The following EFCAB5 variants were observed in gnomAD, a reference collection of about 807,000 sequenced individuals.
EFCAB5 encodes EF-hand calcium-binding domain-containing protein 5.
A neutral mutation model predicts 167.9 loss-of-function variants in EFCAB5; 131 were observed. The ratio of observed to expected loss-of-function variants is 0.78; its 90% CI spans 0.68 to 0.90. The LOEUF (loss-of-function observed/expected upper bound fraction) is 0.90, where lower values mean the gene tolerates loss of function less well. Ranked by LOEUF, EFCAB5 falls within the 40% of genes least tolerant of loss-of-function variation. The probability of loss-of-function intolerance (pLI) is 0.00; values close to 1 mark genes in which losing one functional copy is unlikely to be tolerated. For synonymous variants in EFCAB5, 574 were observed against 602.8 expected, an observed-to-expected ratio of 0.95 and a Z score of 0.70; for missense variants, 1,663 against 1,745.2, an observed-to-expected ratio of 0.95 and a Z score of 0.84.
At chr17:29,938,727 T>G (rs1217972759), upstream of EFCAB5, among the ~76,000 whole-genome samples, 1 of 152,232 alleles carries the variant, frequency 6.6e-6, no homozygotes, top group Non-Finnish European at 1.5e-5. Context: ...ACACTCCTCA[T>G]TCATTCAAGT....
chr17:30,010,177 G>A (rs1322770368), intron 7 of EFCAB5, among the ~76,000 whole-genome samples: 1 of 152,094 alleles, frequency 6.6e-6, no homozygotes, highest in Non-Finnish European at 1.5e-5. Flanking sequence ...TGGTATATAT[G>A]TGCCACATTT....
intron 1 of EFCAB5, among the ~76,000 whole-genome samples, chr17:29,930,741 A>G (rs1403888285): frequency 6.6e-6 from 1 of 150,908 alleles, no homozygotes. Context: ...AGACTTCTGG[A>G]AAGAAAACCA....
At chr17:29,948,374 G>C (rs2067445907) in intron 3 of EFCAB5, among the ~76,000 whole-genome samples, 1 of 152,070 alleles carries the variant, frequency 6.6e-6, no homozygotes, top group African/African-American at 2.4e-5. Flanking sequence ...AGAGAAATGT[G>C]TTTTGTTTAA....
At chr17:30,095,567 G>A (rs750209805) in intron 22 of EFCAB5, among the ~76,000 whole-genome samples, 5 of 151,996 alleles carry the variant, frequency 3.3e-5, no homozygotes, top group Non-Finnish European at 5.9e-5. Flanking sequence ...TAGGTGCCAC[G>A]CTCCCTGCAA....
intron 8 of EFCAB5, among the ~76,000 whole-genome samples, chr17:30,040,990 G>A (rs143856715): frequency 6.6e-6 from 1 of 152,150 alleles, no homozygotes. Context: ...TTAGCAAATC[G>A]GGTATCAGTT....
intron 14 of EFCAB5, chr17:30,068,784 G>A: frequency 7.4e-7 from 1 of 1,353,664 alleles, no homozygotes; most frequent in Non-Finnish European, 1.1e-6. Context: ...TCTCCAGCCG[G>A]GCCCGCGAAA....
At chr17:29,954,368 C>T (rs113143813) in intron 3 of EFCAB5, among the ~76,000 whole-genome samples, 3,312 of 152,278 alleles carry the variant, frequency 0.022, 112 homozygotes, top group African/African-American at 0.075. Context: ...TGTGTGCAGC[C>T]TTGGGACTTG....
chr17:30,070,479 G>A (rs979874436), intron 14 of EFCAB5, among the ~76,000 whole-genome samples: 1 of 152,056 alleles, frequency 6.6e-6, no homozygotes, highest in Non-Finnish European at 1.5e-5. Flanking sequence ...CATGGTACTG[G>A]CATAAAAACA....
At chr17:30,047,919 T>C (rs891134617) in intron 8 of EFCAB5, among the ~76,000 whole-genome samples, 2 of 152,174 alleles carry the variant, frequency 1.3e-5, no homozygotes, top group African/African-American at 4.8e-5. Context: ...CGACAAGACT[T>C]CCTCAAGTAC....
At chr17:29,971,494 A>T (rs1346594853) in intron 4 of EFCAB5, among the ~76,000 whole-genome samples, 3 of 152,130 alleles carry the variant, frequency 2.0e-5, no homozygotes, top group Non-Finnish European at 2.9e-5. Context: ...TTATATTACT[A>T]GTTCTGTTCC....
Position 30,087,131 on chromosome 17 carries a change from T to A in EFCAB5, c.3648T>A (p.Asn1216Lys). The stretch of plus-strand genomic sequence containing the variant: ...TGGGTCTAACAGAAATCCACAAAAA[T>A]CCTCCTACCATCCACAGGAAGTCAT... ...GQLGLTEIHK[N>K]PPTIHRKSCI... Residue 1216 changes from asparagine to lysine, a missense_variant, in exon 19 of 23, where the codon AAT (asparagine) becomes AAA (lysine). Transcript: ENST00000394835. The A allele has an allele frequency of 1.2e-6, 2 of 1,613,586 alleles. No individual in the cohort carries two copies. Among genetic ancestry groups the A allele is most frequent in the Non-Finnish European group, 1.7e-6 (2 of 1,179,684 alleles).
intron 4 of EFCAB5, 100 bp from the exon 5 acceptor site, chr17:29,993,065 C>G: frequency 8.2e-7 from 1 of 1,220,762 alleles, no homozygotes; most frequent in Non-Finnish European, 1.1e-6. Flanking sequence ...GGAGAAAAGA[C>G]AGGCAAACAT....
upstream of EFCAB5, among the ~76,000 whole-genome samples, chr17:29,940,601 C>A (rs1210153947): frequency 6.6e-6 from 1 of 152,140 alleles, no homozygotes; most frequent in Non-Finnish European, 1.5e-5. Flanking sequence ...TGGGAGCTAT[C>A]ACATAAATTT....
intron 3 of EFCAB5, among the ~76,000 whole-genome samples, chr17:29,951,511 G>T (rs180888663): frequency 0.019 from 2,097 of 113,276 alleles, 25 homozygotes; most frequent in Non-Finnish European, 0.027. Context: ...CTAATTTTTT[G>T]TATTTTTTTT....
chr17:30,067,066 C>G (rs1042533418), intron 14 of EFCAB5, among the ~76,000 whole-genome samples: 3 of 152,136 alleles, frequency 2.0e-5, no homozygotes, highest in Admixed American at 2.0e-4. Flanking sequence ...TCCACTGTGG[C>G]TTTCTACCAA....
At position 29,943,544 on chromosome 17, in the gene EFCAB5, AT is replaced by A. The variant is rs775039151; in HGVS notation, c.106-14del. On this transcript the variant is annotated intron_variant, in intron 2 of 22. Coordinates refer to ENST00000394835, the MANE Select transcript of EFCAB5 (RefSeq NM_198529.4). ...AAATCAAGTCACATTGAAATTGGTG[AT>A]TTTTTTCCTCTTTTCAAAGACCTTA... 7.1e-6 allele frequency: 11 copies of A among 1,546,830 alleles called. No individual in the cohort carries two copies. The highest frequency in any genetic ancestry group is 4.9e-5 in the South Asian group (4 of 82,474).
chr17:30,000,563 T>C (rs1162213142), intron 7 of EFCAB5, among the ~76,000 whole-genome samples: 1 of 152,216 alleles, frequency 6.6e-6, no homozygotes, highest in South Asian at 2.1e-4. Flanking sequence ...AGCCTACTTA[T>C]ATATTTTTTC....
At chr17:30,105,850 A>C (rs959477207) in intron 22 of EFCAB5, among the ~76,000 whole-genome samples, 8 of 152,066 alleles carry the variant, frequency 5.3e-5, no homozygotes, top group African/African-American at 1.9e-4. Flanking sequence ...AATTTTAGAA[A>C]ATTAATTGGA....
rs1341813318 is a variant in EFCAB5, at chr17:29,994,122, C to T, written c.924+801C>T. 1.1e-4 allele frequency among the ~76,000 whole-genome samples: 9 copies of T among 79,214 alleles called. No individual in the cohort carries two copies. The South Asian group carries it at 3.2e-3, about 28-fold the overall frequency. The allele number at this position is 79,214 out of a possible 152,430, so 52.0% of individuals were successfully genotyped here. On this transcript the variant is annotated intron_variant, in intron 5 of 22. Transcript: ENST00000394835. ...ACGTCTCTTAAAAACAAAACAACAA[C>T]AACAACAACAAATATATATATATAT...
Sources: allele counts gnomAD v4.1 joint callset (sites outside exome capture counted in the v4.1 genomes callset), GRCh38; gene constraint gnomAD v4.1.1; transcripts MANE v1.5; gene names NCBI Gene and HGNC (gene_info 2026-07-23, HGNC 2026-07-21).